The following CEP57 variants were observed in gnomAD, a reference collection of about 807,000 sequenced individuals.
CEP57 encodes centrosomal protein of 57 kDa.
Under a neutral mutation model 68.0 loss-of-function variants are expected in CEP57, and 40 were observed. The observed-to-expected ratio is 0.59, with a 90% CI of 0.46 to 0.77. The LOEUF is 0.77. CEP57 is among the 30% of genes least tolerant of loss of function. The pLI is 0.00. For missense variants in CEP57, 606 were observed against 580.7 expected (o/e 1.04, Z -0.45); for synonymous variants, 219 against 198.7 (o/e 1.10, Z -0.86).
At chr11:95,792,668 T>C (rs1398553932) in intron 1 of CEP57, among the ~76,000 whole-genome samples, 1 of 152,142 alleles carries the variant, frequency 6.6e-6, no homozygotes, top group Non-Finnish European at 1.5e-5. Flanking sequence ...ATTCTAAATA[T>C]CAAGGGTACA....
chr11:95,814,521 C>T (rs553010627), intron 4 of CEP57, among the ~76,000 whole-genome samples: 14 of 152,188 alleles, frequency 9.2e-5, no homozygotes, highest in South Asian at 6.2e-4. Flanking sequence ...CCACCACACC[C>T]GGCTAATTTT....
chr11:95,810,790 T>A (rs1178291712), intron 2 of CEP57, among the ~76,000 whole-genome samples: 7 of 152,162 alleles, frequency 4.6e-5, no homozygotes, highest in Non-Finnish European at 1.0e-4. Flanking sequence ...ATTTATAGAT[T>A]CAATGCCATC....
At chr11:95,822,703 G>GTGTGTGGATCACAA in intron 8 of CEP57, 127 bp downstream of exon 8, 1 of 438,386 alleles carries the variant, frequency 2.3e-6, no homozygotes, top group Non-Finnish European at 4.5e-6. Context: ...GTGGATCACA[G>GTGTGTGGATCACAA]TGATGTGAAA....
Position 95,817,879 on chromosome 11 carries a change from T to TA in CEP57, c.598dup (p.Thr200AsnfsTer20). 1 of 1,612,676 alleles carries TA rather than the reference T, an allele frequency of 6.2e-7. No individual in the cohort carries two copies. Among genetic ancestry groups the TA allele is most frequent in the Non-Finnish European group, 8.5e-7 (1 of 1,178,750 alleles). On this transcript the variant is annotated frameshift_variant, in exon 5 of 11. Transcript: ENST00000325542. LOFTEE classifies it high-confidence loss of function. ...TTCTTGAACAGGAGTATAACAAACT[T>TA]ACCACAATGCAGGCCCTTGCAGAAG...
Position 95,832,392 on chromosome 11 carries a change from G to T in CEP57, c.*1136G>T, listed in dbSNP as rs1056026236. On this transcript the variant is annotated 3_prime_UTR_variant, in exon 11 of 11. Coordinates refer to ENST00000325542, the MANE Select transcript of CEP57 (RefSeq NM_014679.5). Reference sequence around the variant, plus strand: ...ATAGAAAGAGAGCCCAAGAATATTAGATTTCCTCATGATACAAGATACTAC... The same window carrying T: ...ATAGAAAGAGAGCCCAAGAATATTATATTTCCTCATGATACAAGATACTAC... The T allele has an allele frequency of 1.3e-5, 2 of 152,074 alleles. No individual in the cohort carries two copies. The highest frequency in any genetic ancestry group is 2.4e-5 in the African/African-American group (1 of 41,430). 9.4% of individuals were successfully genotyped at this position (152,074 alleles called of 1,614,324 possible).
intron 5 of CEP57, chr11:95,818,121 A>G: frequency 4.2e-6 from 2 of 481,614 alleles, no homozygotes; most frequent in South Asian, 4.3e-5. Flanking sequence ...TAAAAAATTA[A>G]ATGTTTTTGG....
chr11:95,797,490 C>G (rs1294760292), intron 1 of CEP57, among the ~76,000 whole-genome samples: 1 of 151,988 alleles, frequency 6.6e-6, no homozygotes, highest in Non-Finnish European at 1.5e-5. Flanking sequence ...TCTTTATAAT[C>G]TAGTGGTTGG....
intron 10 of CEP57, 118 bp downstream of exon 10, chr11:95,829,449 C>G: frequency 2.8e-6 from 3 of 1,055,596 alleles, no homozygotes; most frequent in South Asian, 1.3e-5. Flanking sequence ...GGAGATACTT[C>G]TTTACTGAAG....
At chr11:95,830,426 T>C (rs1159120529) in intron 10 of CEP57, among the ~76,000 whole-genome samples, 2 of 152,232 alleles carry the variant, frequency 1.3e-5, no homozygotes, top group Non-Finnish European at 2.9e-5. Flanking sequence ...AGACTTATTC[T>C]ATTGGAACAC....
chr11:95,818,023 T>A (rs185709011), intron 5 of CEP57, 120 bp downstream of exon 5: 1 of 707,602 alleles, frequency 1.4e-6, no homozygotes, highest in African/African-American at 1.8e-5. Flanking sequence ...AAGAAATATA[T>A]TGGAGTTTTA....
intron 6 of CEP57, among the ~76,000 whole-genome samples, chr11:95,820,075 T>C (rs1862459578): frequency 6.6e-6 from 1 of 152,222 alleles, no homozygotes; most frequent in Non-Finnish European, 1.5e-5. Flanking sequence ...TTATATGCAT[T>C]GTGGTGTTGA....
chr11:95,818,929 G>T, intron 6 of CEP57, 25 bp downstream of exon 6: 1 of 1,560,262 alleles, frequency 6.4e-7, no homozygotes, highest in Non-Finnish European at 8.8e-7. Flanking sequence ...GAGAAAGTGG[G>T]CTCTTCATAT....
intron 1 of CEP57, chr11:95,794,345 T>G (rs1401595278): frequency 2.2e-6 from 1 of 455,918 alleles, no homozygotes. Context: ...CTGAATGAAT[T>G]ATCTGGTTCA....
chr11:95,799,141 G>A (rs1861466980), intron 1 of CEP57, 91 bp from the exon 2 acceptor site: 17 of 1,277,148 alleles, frequency 1.3e-5, no homozygotes, highest in Non-Finnish European at 1.9e-5. Flanking sequence ...TGTCTGTATG[G>A]ACAGTCAATC....
chr11:95,790,231 T>C (rs1860943841), upstream of CEP57: 1 of 193,420 alleles, frequency 5.2e-6, no homozygotes, highest in Non-Finnish European at 1.1e-5. Context: ...GTGCTTTAAC[T>C]TCGCCTTCGC....
intron 2 of CEP57, among the ~76,000 whole-genome samples, chr11:95,803,034 A>C (rs748757758): frequency 6.6e-6 from 1 of 152,198 alleles, no homozygotes; most frequent in Non-Finnish European, 1.5e-5. Flanking sequence ...TATGTGGTCT[A>C]TATGTTTGAG....
At chr11:95,823,489 G>T (rs554108369) in intron 8 of CEP57, among the ~76,000 whole-genome samples, 3 of 151,984 alleles carry the variant, frequency 2.0e-5, no homozygotes, top group African/African-American at 7.3e-5. Context: ...TGTCATAGAT[G>T]CATAAAATTG....
In CEP57 at chr11:95,829,229, C is replaced by T. The variant is rs1262812878; in HGVS notation, c.1170C>T (p.Thr390=). ...CAAAACTTATCCAGGAGTCGCCAAC[C>T]GTTGAACTGAAAGACAAGTTGGAGT... ...QLAKLIQESP[T]VELKDKLECE... is the part of the protein sequence containing the mutation. The change falls in exon 10 of 11, where the codon ACC becomes ACT. Residue 390 remains threonine, a synonymous_variant. Transcript: ENST00000325542. 5.0e-6 allele frequency: 8 copies of T among 1,613,702 alleles called. No homozygotes were observed. The highest frequency in any genetic ancestry group is 1.6e-4 in the Middle Eastern group (1 of 6,084).
chr11:95,811,272 C>G (rs999268367), intron 2 of CEP57, among the ~76,000 whole-genome samples: 1 of 152,012 alleles, frequency 6.6e-6, no homozygotes, highest in African/African-American at 2.4e-5. Flanking sequence ...GAGTTCATGT[C>G]CTTTGTAGGG....
Sources: gnomAD v4.1 joint callset for allele counts (sites outside exome capture counted in the v4.1 genomes callset) on GRCh38, gnomAD v4.1.1 for gene constraint, MANE v1.5 for transcripts, NCBI Gene and HGNC (gene_info 2026-07-23, HGNC 2026-07-21) for gene names.